Variants in MAGI2 observed in about 807,000 individuals in gnomAD.
MAGI2 encodes membrane associated guanylate kinase, WW and PDZ domain containing 2, also known as membrane-associated guanylate kinase, WW and PDZ domain-containing protein 2.
MAGI2 carries 35 observed loss-of-function variants against 133.3 expected under a neutral mutation model. That is an observed-to-expected ratio of 0.26 (90% CI 0.20 to 0.35). MAGI2 has a LOEUF of 0.35. Among genes scored for constraint, MAGI2 ranks in the 10% least tolerant of loss-of-function variants. The pLI is 1.00. For missense variants in MAGI2, 1,636 were observed against 1,863.4 expected, an observed-to-expected ratio of 0.88 and a Z score of 2.25; for synonymous variants, 729 against 710.6, an observed-to-expected ratio of 1.03 and a Z score of -0.41.
intron 2 of MAGI2, chr7:78,770,973 T>G (rs1262735131): frequency 2.0e-5 from 3 of 152,316 alleles, no homozygotes; most frequent in African/African-American, 7.2e-5. Flanking sequence ...AAAAATAATT[T>G]TCTTGATAGA....
At chr7:79,300,622 C>A (rs577848850) in intron 1 of MAGI2, among the ~76,000 whole-genome samples, 1 of 152,198 alleles carries the variant, frequency 6.6e-6, no homozygotes, top group East Asian at 1.9e-4. Flanking sequence ...GCAGCCTGGT[C>A]ATGTATCAGA....
intron 1 of MAGI2, among the ~76,000 whole-genome samples, chr7:79,243,344 G>C (rs1585306246): frequency 6.6e-6 from 1 of 152,210 alleles, no homozygotes; most frequent in East Asian, 1.9e-4. Context: ...AATTTTACTT[G>C]TTTTTAAATT....
intron 1 of MAGI2, among the ~76,000 whole-genome samples, chr7:79,213,695 T>A (rs1346362308): frequency 1.3e-5 from 2 of 152,050 alleles, no homozygotes. Flanking sequence ...AAATAGAACA[T>A]CTCTAATGGG....
At chr7:78,463,772 C>A (rs1202526687) in intron 6 of MAGI2, among the ~76,000 whole-genome samples, 1 of 152,104 alleles carries the variant, frequency 6.6e-6, no homozygotes, top group East Asian at 1.9e-4. Context: ...TTTTTCATGT[C>A]TACTATGCAT....
chr7:79,414,112 C>T (rs992624304), intron 1 of MAGI2: 1 of 152,146 alleles, frequency 6.6e-6, no homozygotes, highest in Non-Finnish European at 1.5e-5. Context: ...ACATGATACA[C>T]TGCCTTAAAT....
chr7:78,519,177 A>G (rs1188823520), intron 4 of MAGI2: 1 of 150,576 alleles, frequency 6.6e-6, no homozygotes, highest in East Asian at 1.9e-4. Flanking sequence ...AAAGGTGAAG[A>G]GTTGGGAAAT....
rs529146845 is a variant in MAGI2 at position 79,094,329 on chromosome 7, C to A, written c.302-87123G>T. ...TTATCATGAGATTGCAGCAAGCAGT[C>A]ACATCTTCAGTCTCCACTTCTAATT... is the stretch of plus-strand genomic sequence containing the variant. On this transcript the variant is annotated intron_variant, in intron 1 of 21. Coordinates refer to ENST00000354212, the MANE Select transcript of MAGI2 (RefSeq NM_012301.4). 1.7e-4 allele frequency among the ~76,000 whole-genome samples: 26 copies of A among 152,316 alleles called. No individual in the cohort carries two copies. In the East Asian group the frequency reaches 4.4e-3, roughly 26 times the overall value.
chr7:78,399,897 C>A (rs1183697086), intron 6 of MAGI2, among the ~76,000 whole-genome samples: 2 of 148,620 alleles, frequency 1.3e-5, no homozygotes, highest in African/African-American at 5.0e-5. Flanking sequence ...ATCAGTGAAG[C>A]AAATGTTTAA....
chr7:78,498,032 G>A (rs150705228), intron 5 of MAGI2, among the ~76,000 whole-genome samples: 15 of 151,294 alleles, frequency 9.9e-5, no homozygotes, highest in African/African-American at 1.9e-4. Flanking sequence ...TTCCTCTTAC[G>A]GTATTCTACC....
At chr7:78,855,372 T>C (rs1457855456) in intron 2 of MAGI2, among the ~76,000 whole-genome samples, 4 of 152,190 alleles carry the variant, frequency 2.6e-5, no homozygotes, top group Non-Finnish European at 4.4e-5. Context: ...ATCATTTACA[T>C]TAGGTATATC....
At chr7:79,278,313 C>T (rs1835388568) in intron 1 of MAGI2, among the ~76,000 whole-genome samples, 1 of 152,168 alleles carries the variant, frequency 6.6e-6, no homozygotes, top group Admixed American at 6.5e-5. Flanking sequence ...GATGCTGGTG[C>T]CATGCTTCCT....
At chr7:79,349,344 C>A (rs1188588046) in intron 1 of MAGI2, among the ~76,000 whole-genome samples, 2 of 151,912 alleles carry the variant, frequency 1.3e-5, no homozygotes, top group African/African-American at 4.8e-5. Flanking sequence ...ATTAGGAAAT[C>A]TGGTTGCTAT....
chr7:79,318,870 A>G (rs929717863), intron 1 of MAGI2, among the ~76,000 whole-genome samples: 3 of 152,062 alleles, frequency 2.0e-5, no homozygotes, highest in African/African-American at 7.2e-5. Context: ...CATGGGGTAC[A>G]CTCTCTCTGT....
At chr7:78,138,057 C>G (rs2023948) in intron 16 of MAGI2, among the ~76,000 whole-genome samples, 34,871 of 152,066 alleles carry the variant, frequency 0.23, 4,096 homozygotes, top group African/African-American at 0.26. Flanking sequence ...TTAATTTGTC[C>G]AAGGTCACAT....
At chr7:78,833,540 T>G (rs1167938264) in intron 2 of MAGI2, among the ~76,000 whole-genome samples, 1 of 152,168 alleles carries the variant, frequency 6.6e-6, no homozygotes, top group South Asian at 2.1e-4. Context: ...CCTGCAACAG[T>G]AAAGTTGGAG....
At chr7:78,501,458 C>G in intron 5 of MAGI2, 119 bp downstream of exon 5, 6 of 849,452 alleles carry the variant, frequency 7.1e-6, no homozygotes, top group Non-Finnish European at 9.1e-6. Flanking sequence ...AATAAAAAAG[C>G]TGTTACCAGA....
chr7:78,485,235 T>C (rs1229645262), intron 6 of MAGI2: 3 of 151,926 alleles, frequency 2.0e-5, no homozygotes, highest in Non-Finnish European at 2.9e-5. Flanking sequence ...AAAAAGACTA[T>C]ATTGGCTTGC....
At chr7:78,808,504 C>T (rs1260159328) in intron 2 of MAGI2, among the ~76,000 whole-genome samples, 1 of 152,228 alleles carries the variant, frequency 6.6e-6, no homozygotes, top group Non-Finnish European at 1.5e-5. Flanking sequence ...GATCCGCCCG[C>T]CTCGGCCTCC....
At chr7:78,527,955 T>C (rs1414183521) in intron 3 of MAGI2, among the ~76,000 whole-genome samples, 1 of 151,738 alleles carries the variant, frequency 6.6e-6, no homozygotes, top group African/African-American at 2.4e-5. Flanking sequence ...CAGATTAAGG[T>C]CATGACTTCT....
Sources: allele counts gnomAD v4.1 joint callset (sites outside exome capture counted in the v4.1 genomes callset), GRCh38; gene constraint gnomAD v4.1.1; transcripts MANE v1.5; gene names NCBI Gene and HGNC (gene_info 2026-07-23, HGNC 2026-07-21).